The following PLCB4 variants were observed in gnomAD, a reference collection of about 807,000 sequenced individuals.
PLCB4 encodes the protein 1-phosphatidylinositol 4,5-bisphosphate phosphodiesterase beta-4.
Under a neutral mutation model 178.8 loss-of-function variants are expected in PLCB4, and 77 were observed. That is an observed-to-expected ratio of 0.43 (90% CI 0.36 to 0.52). PLCB4 has a LOEUF of 0.52. Ranked by LOEUF, PLCB4 falls within the 20% of genes least tolerant of loss-of-function variation. The pLI is 0.00. For missense variants in PLCB4, 1,024 were observed against 1,453.4 expected (o/e 0.70, Z 4.80); for synonymous variants, 496 against 490.8 (o/e 1.01, Z -0.14).
intron 2 of PLCB4, among the ~76,000 whole-genome samples, chr20:9,196,219 G>A (rs2093470862): frequency 6.6e-6 from 1 of 152,208 alleles, no homozygotes; most frequent in African/African-American, 2.4e-5. Flanking sequence ...AAATCTGTGT[G>A]TGCAGGCAGA....
At chr20:9,103,152 T>C (rs1362098965) in intron 2 of PLCB4, among the ~76,000 whole-genome samples, 1 of 151,944 alleles carries the variant, frequency 6.6e-6, no homozygotes, top group African/African-American at 2.4e-5. Flanking sequence ...TTTTAACACA[T>C]TGGCATATAC....
At chr20:9,083,009 A>C (rs6086758) in intron 1 of PLCB4, among the ~76,000 whole-genome samples, 1 of 152,006 alleles carries the variant, frequency 6.6e-6, no homozygotes, top group Non-Finnish European at 1.5e-5. Flanking sequence ...CAGGTTTTCC[A>C]TAAAGATTGA....
intron 3 of PLCB4, among the ~76,000 whole-genome samples, chr20:9,293,152 AGAATGGAATG>A (rs369314731): frequency 4.6e-5 from 7 of 151,114 alleles, no homozygotes; most frequent in South Asian, 2.1e-4. Flanking sequence ...AAGTAAGGAA[AGAATGGAATG>A]GAATGGAATG....
intron 3 of PLCB4, among the ~76,000 whole-genome samples, chr20:9,280,172 G>A (rs890220535): frequency 9.9e-5 from 15 of 152,012 alleles, no homozygotes; most frequent in Admixed American, 7.9e-4. Flanking sequence ...GGGGCTGTGG[G>A]GTTTCTAGGA....
chr20:9,331,399 A>G (rs1366841318), intron 4 of PLCB4, among the ~76,000 whole-genome samples: 2 of 152,334 alleles, frequency 1.3e-5, no homozygotes, highest in African/African-American at 2.4e-5. Context: ...TGAAGATGCC[A>G]ACTCCACAGT....
chr20:9,407,985 T>C lies in PLCB4; in HGVS notation c.1716T>C (p.Asn572=), dbSNP rs748753087. ...ASYKYVGATT[N]IHPYLSTMIN... ...ATAAATATGTAGGTGCTACCACTAA[T>C]ATCCATCCATATTTGTCCACAATGA... The change falls in exon 22 of 40, where the codon AAT becomes AAC. Residue 572 remains asparagine, a synonymous_variant. Transcript: ENST00000378473. The C allele has an allele frequency of 6.2e-7, 1 of 1,612,252 alleles. No individual in the cohort carries two copies. The highest frequency in any genetic ancestry group is 1.7e-5 in the Admixed American group (1 of 60,034).
chr20:9,434,606 C>T (rs1464404308), intron 28 of PLCB4, among the ~76,000 whole-genome samples: 2 of 152,120 alleles, frequency 1.3e-5, no homozygotes, highest in Non-Finnish European at 2.9e-5. Context: ...GAACTCGTGA[C>T]CTCAGGTGAT....
At chr20:9,234,144 C>T (rs754107956) in intron 3 of PLCB4, among the ~76,000 whole-genome samples, 1 of 152,142 alleles carries the variant, frequency 6.6e-6, no homozygotes, top group East Asian at 1.9e-4. Context: ...GAGGATGACT[C>T]CCAGGGTGCC....
intron 4 of PLCB4, among the ~76,000 whole-genome samples, chr20:9,327,521 A>C (rs2030854586): frequency 6.6e-6 from 1 of 152,104 alleles, no homozygotes. Flanking sequence ...TCCCGCCTGT[A>C]GTCTCAGCAC....
intron 2 of PLCB4, among the ~76,000 whole-genome samples, chr20:9,098,736 C>CAT (rs1491134320): frequency 4.3e-5 from 3 of 69,546 alleles, no homozygotes; most frequent in Non-Finnish European, 5.3e-5. Context: ...TATATATATA[C>CAT]ATATATGTGT....
In PLCB4 at chr20:9,123,420, C is replaced by CTTT. The variant is rs11087837; in HGVS notation, c.-79+27089_-79+27091dup. ...TTTAAGAAACTCCTGGAAATCTCCT[C>CTTT]TTTTTTTTTTTTTATATATATTTCA... On this transcript the variant is annotated intron_variant, in intron 2 of 39. Transcript: ENST00000378473. 6.0e-4 allele frequency among the ~76,000 whole-genome samples: 86 copies of CTTT among 144,372 alleles called. 1 individual carries two copies. The highest frequency in any genetic ancestry group is 1.9e-3 in the African/African-American group (75 of 39,492). 94.7% of individuals were successfully genotyped at this position (144,372 alleles called of 152,430 possible).
intron 4 of PLCB4, among the ~76,000 whole-genome samples, chr20:9,316,216 A>G (rs2094897463): frequency 6.6e-6 from 1 of 152,096 alleles, no homozygotes; most frequent in African/African-American, 2.4e-5. Flanking sequence ...AGAGATGCGC[A>G]TTCTCAGGCC....
chr20:9,249,333 G>A lies in PLCB4; in HGVS notation c.-16+31881G>A, dbSNP rs571496870. Among the ~76,000 whole-genome samples the A allele has an allele frequency of 1.4e-4, 21 of 152,094 alleles. No individual in the cohort carries two copies. In the South Asian group the frequency reaches 4.2e-3, roughly 30 times the overall value. ...TGTGCTGCACCCATTTTTGAGACAAGGTATCTCTCTGTCGCCTAGGCTGGT... is the reference window on the plus strand; with the variant it reads ...TGTGCTGCACCCATTTTTGAGACAAAGTATCTCTCTGTCGCCTAGGCTGGT... On this transcript the variant is annotated intron_variant, in intron 3 of 39. Coordinates refer to ENST00000378473, the MANE Select transcript of PLCB4 (RefSeq NM_001377142.1).
intron 2 of PLCB4, among the ~76,000 whole-genome samples, chr20:9,106,451 A>G (rs2091366999): frequency 2.0e-5 from 3 of 152,018 alleles, no homozygotes; most frequent in Non-Finnish European, 4.4e-5. Flanking sequence ...TGTTTTTGAC[A>G]GATATGATTG....
At chr20:9,139,903 A>G (rs185763970) in intron 2 of PLCB4, among the ~76,000 whole-genome samples, 216 of 152,138 alleles carry the variant, frequency 1.4e-3, no homozygotes, top group Non-Finnish European at 2.5e-3. Context: ...GTCTTGTGCT[A>G]TTAAAGATTT....
At chr20:9,214,146 T>C (rs1239106540) in intron 2 of PLCB4, among the ~76,000 whole-genome samples, 1 of 152,234 alleles carries the variant, frequency 6.6e-6, no homozygotes, top group Non-Finnish European at 1.5e-5. Context: ...CTTTTGTTCT[T>C]CATGCTTTTG....
At chr20:9,354,868 T>C (rs1252935968) in intron 7 of PLCB4, among the ~76,000 whole-genome samples, 5 of 152,218 alleles carry the variant, frequency 3.3e-5, no homozygotes, top group Non-Finnish European at 7.3e-5. Context: ...GTGATCCAAA[T>C]GCACATTAAA....
chr20:9,339,921 A>C (rs938425277), intron 7 of PLCB4, among the ~76,000 whole-genome samples: 6 of 152,168 alleles, frequency 3.9e-5, no homozygotes, highest in Admixed American at 3.9e-4. Flanking sequence ...TCTGCTAATC[A>C]TGTGTTTACA....
At chr20:9,182,066 G>A (rs764619100) in intron 2 of PLCB4, among the ~76,000 whole-genome samples, 6 of 152,164 alleles carry the variant, frequency 3.9e-5, no homozygotes, top group South Asian at 2.1e-4. Context: ...TGTCCATAGC[G>A]TCTCACCTAT....
Sources: gnomAD v4.1 joint callset for allele counts (sites outside exome capture counted in the v4.1 genomes callset) on GRCh38, gnomAD v4.1.1 for gene constraint, MANE v1.5 for transcripts, NCBI Gene and HGNC (gene_info 2026-07-23, HGNC 2026-07-21) for gene names.